EFL1: variants seen among roughly 807,000 people sequenced by gnomAD.
EFL1 encodes elongation factor-like GTPase 1.
In EFL1, 76 loss-of-function variants were observed where a neutral mutation model predicts 126.7. The observed-to-expected ratio is 0.60, with a 90% CI of 0.50 to 0.73. EFL1 has a LOEUF of 0.73. Among genes scored for constraint, EFL1 ranks in the 30% least tolerant of loss-of-function variants. The probability of loss-of-function intolerance (pLI) is 0.00; values close to 1 mark genes in which losing one functional copy is unlikely to be tolerated. For synonymous variants in EFL1, 410 were observed against 448.4 expected (o/e 0.91, Z 1.08); for missense variants, 1,128 against 1,343.2 (o/e 0.84, Z 2.50).
At position 82,219,734 on chromosome 15, in the gene EFL1, C is replaced by T. The variant is rs777287952; in HGVS notation, c.1529G>A (p.Arg510Gln). The change falls in exon 14 of 20, where the codon CGG (arginine) becomes CAG (glutamine). Residue 510 changes from arginine (R) to glutamine (Q), a missense_variant. Around this residue, in one of 6 missense-constraint regions of EFL1, gnomAD observed 120 missense variants for 142.1 expected, o/e 0.84. Coordinates refer to ENST00000268206, the MANE Select transcript of EFL1 (RefSeq NM_024580.6). ...NNQESFIAFA[R>Q]VFSGVARRGK... ...TCTTCGAGCCACACCACTGAACACC[C>T]GAGCAAATGCAATAAAAGACTCTTG... 8 of 1,614,012 alleles carry T rather than the reference C, an allele frequency of 5.0e-6. No individual in the cohort carries two copies. Among genetic ancestry groups the T allele is most frequent in the African/African-American group, 1.3e-5 (1 of 75,004 alleles).
chr15:82,167,046 G>T (rs951775974), intron 15 of EFL1, among the ~76,000 whole-genome samples: 1 of 152,148 alleles, frequency 6.6e-6, no homozygotes, highest in Non-Finnish European at 1.5e-5. Context: ...CCATTGATTT[G>T]ATTTTAGTCA....
At chr15:82,160,684 T>C (rs2074014163) in intron 16 of EFL1, among the ~76,000 whole-genome samples, 1 of 152,156 alleles carries the variant, frequency 6.6e-6, no homozygotes, top group Non-Finnish European at 1.5e-5. Context: ...GATAAAACAA[T>C]TCTAGAAACA....
intron 4 of EFL1, among the ~76,000 whole-genome samples, chr15:82,248,174 G>C (rs1288996760): frequency 2.0e-5 from 3 of 152,114 alleles, no homozygotes; most frequent in Non-Finnish European, 4.4e-5. Context: ...TAGCTCAGAA[G>C]TGAACTATCG....
In EFL1 at chr15:82,255,427, G is replaced by A. The variant is rs7184021; in HGVS notation, c.160-2652C>T. On this transcript the variant is annotated intron_variant, in intron 3 of 19. Coordinates refer to ENST00000268206, the MANE Select transcript of EFL1 (RefSeq NM_024580.6). ...TTAGTCCTTTGTCAATTATATGTGT[G>A]TTATTAATATTTTTCACAGTTACCA... 9.8e-3 allele frequency among the ~76,000 whole-genome samples: 1,497 copies of A among 152,136 alleles called. 25 individuals are homozygous for A. The highest frequency in any genetic ancestry group is 0.034 in the African/African-American group (1,424 of 41,506).
Position 82,229,015 on chromosome 15 carries a change from T to C in EFL1, c.932+19A>G. On this transcript the variant is annotated intron_variant, in intron 9 of 19. Transcript: ENST00000268206. Reference sequence around the variant, plus strand: ...TATACTGCCTAAAGATGCCTAAAGGTAAACAATAAGAGTCTTACTTTTTCA... The same window carrying C: ...TATACTGCCTAAAGATGCCTAAAGGCAAACAATAAGAGTCTTACTTTTTCA... The C allele has an allele frequency of 1.3e-6, 2 of 1,593,850 alleles. No homozygotes were observed. Among genetic ancestry groups the C allele is most frequent in the Non-Finnish European group, 1.7e-6 (2 of 1,169,808 alleles).
At chr15:82,227,678 GA>G in intron 10 of EFL1, 106 bp from the exon 11 acceptor site, 1 of 1,482,898 alleles carries the variant, frequency 6.7e-7, no homozygotes, top group Non-Finnish European at 9.2e-7. Flanking sequence ...TGTCCATACA[GA>G]AAATGCCTGT....
chr15:82,165,646 C>T (rs139564582), intron 15 of EFL1, among the ~76,000 whole-genome samples: 1 of 152,200 alleles, frequency 6.6e-6, no homozygotes, highest in Admixed American at 6.5e-5. Context: ...TAAAATCTGT[C>T]TTTCCCCATC....
intron 18 of EFL1, among the ~76,000 whole-genome samples, chr15:82,146,792 T>C (rs2073851180): frequency 6.6e-6 from 1 of 152,058 alleles, no homozygotes; most frequent in Non-Finnish European, 1.5e-5. Flanking sequence ...TGGGGCTTCA[T>C]AGAAGGCAGT....
At chr15:82,159,482 T>C (rs2074000953) in intron 16 of EFL1, among the ~76,000 whole-genome samples, 1 of 152,000 alleles carries the variant, frequency 6.6e-6, no homozygotes, top group African/African-American at 2.4e-5. Flanking sequence ...GTTTTTTTTT[T>C]TTTTTCAAAA....
rs777875073 is a variant in EFL1, at chr15:82,157,785, T to G, written c.1958A>C (p.Glu653Ala). ...ADPCVQILIQ[E>A]TGEHVLVTAG... is the part of the protein sequence containing the mutation. Reference sequence around the variant, plus strand: ...TGTGACTAAAACGTGCTCTCCCGTTTCCTGAATTAAAATCTGGACACAGGG... The same window carrying G: ...TGTGACTAAAACGTGCTCTCCCGTTGCCTGAATTAAAATCTGGACACAGGG... The change falls in exon 17 of 20, where the codon GAA becomes GCA. Residue 653 changes from glutamate (E) to alanine (A), a missense_variant. By Grantham distance (107) the Glu-to-Ala change is moderately radical (BLOSUM62 -1). Transcript: ENST00000268206. 6.2e-6 allele frequency: 10 copies of G among 1,614,150 alleles called. No individual in the cohort carries two copies. In the South Asian group the frequency reaches 1.1e-4, roughly 18 times the overall value.
intron 2 of EFL1, 143 bp downstream of exon 2, chr15:82,261,544 TA>T: frequency 1.4e-6 from 1 of 737,184 alleles, no homozygotes; most frequent in Non-Finnish European, 2.1e-6. Flanking sequence ...CAGGCTTCCC[TA>T]ACATCACACA....
At chr15:82,164,530 C>A (rs1424745995) in intron 15 of EFL1, among the ~76,000 whole-genome samples, 1 of 152,072 alleles carries the variant, frequency 6.6e-6, no homozygotes, top group Non-Finnish European at 1.5e-5. Flanking sequence ...AGACTTTTGG[C>A]TGATGATTGC....
rs956850312 is a variant in EFL1, at chr15:82,157,513, T to C, written c.2030+200A>G. ...GACTTAAGCTAAAAATGCAAAATTA[T>C]TCAAGTGTAGGCAGTGAATGCCATT... On this transcript the variant is annotated intron_variant, in intron 17 of 19. Transcript: ENST00000268206. The C allele has an allele frequency of 7.5e-6, 4 of 534,438 alleles. No individual in the cohort carries two copies. In the African/African-American group the frequency reaches 7.6e-5, roughly 10 times the overall value. The allele number at this position is 534,438 out of a possible 1,614,324, so 33.1% of individuals were successfully genotyped here. A position where few individuals can be genotyped will look rare whatever the true frequency, so the allele number is the denominator to read the frequency against.
chr15:82,198,888 C>T (rs1281892413), intron 15 of EFL1, among the ~76,000 whole-genome samples: 1 of 151,982 alleles, frequency 6.6e-6, no homozygotes, highest in Admixed American at 6.6e-5. Flanking sequence ...AGACTAAGCA[C>T]CCAGTATGAG....
chr15:82,152,453 A>G (rs1201227733), intron 17 of EFL1, 30 bp from the exon 18 acceptor site: 6 of 1,553,988 alleles, frequency 3.9e-6, no homozygotes, highest in Non-Finnish European at 5.2e-6. Flanking sequence ...AAATAACAGA[A>G]GGTTAAAATC....
intron 7 of EFL1, among the ~76,000 whole-genome samples, chr15:82,231,367 C>A (rs1447832539): frequency 6.6e-6 from 1 of 152,118 alleles, no homozygotes; most frequent in Admixed American, 6.5e-5. Context: ...CAGCTGCTCA[C>A]AAATGAAAGA....
intron 15 of EFL1, among the ~76,000 whole-genome samples, chr15:82,198,286 T>A (rs955841420): frequency 2.6e-5 from 4 of 152,132 alleles, no homozygotes; most frequent in Non-Finnish European, 5.9e-5. Flanking sequence ...GAGAGGGGAC[T>A]TCGGCCTGCT....
At chr15:82,169,512 A>T (rs7173852) in intron 15 of EFL1, among the ~76,000 whole-genome samples, 14 of 151,918 alleles carry the variant, frequency 9.2e-5, no homozygotes, top group Admixed American at 9.2e-4. Context: ...CAGATTCCTG[A>T]CATGGACAAC....
At chr15:82,144,529 T>G (rs750496854) in intron 18 of EFL1, among the ~76,000 whole-genome samples, 3 of 152,220 alleles carry the variant, frequency 2.0e-5, no homozygotes, top group Non-Finnish European at 2.9e-5. Flanking sequence ...CTAAATAATA[T>G]TGTATTTTAC....
Sources: gnomAD v4.1 joint callset for allele counts (sites outside exome capture counted in the v4.1 genomes callset) on GRCh38, gnomAD v4.1.1 for gene constraint, gnomAD v4.1.1 regional missense constraint, MANE v1.5 for transcripts, NCBI Gene and HGNC (gene_info 2026-07-23, HGNC 2026-07-21) for gene names.